GCFC2: variants seen among roughly 807,000 people sequenced by gnomAD.
GCFC2 encodes the protein GC-rich sequence DNA-binding factor 2.
A neutral mutation model predicts 99.4 loss-of-function variants in GCFC2; 102 were observed. The observed-to-expected ratio is 1.03, with a 90% CI of 0.87 to 1.21. The LOEUF is 1.21. Among genes scored for constraint, GCFC2 ranks in the 50% most tolerant of loss-of-function variants. GCFC2 has a pLI of 0.00. For missense variants in GCFC2, 973 were observed against 920.9 expected (o/e 1.06, Z -0.73); for synonymous variants, 338 against 316.8 (o/e 1.07, Z -0.71).
chr2:75,710,748 C>T lies in GCFC2; in HGVS notation c.108G>A (p.Pro36=), dbSNP rs758875484. 34 of 1,564,804 alleles carry T rather than the reference C, an allele frequency of 2.2e-5. No homozygotes were observed. Among genetic ancestry groups the T allele is most frequent in the Admixed American group, 5.4e-5 (3 of 55,876 alleles). Residue 36 remains proline (P), a synonymous_variant, in exon 1 of 17, where the codon CCG becomes CCA. Transcript: ENST00000321027. ...PAEPGAPREL[P]VPGSAEEEPP... is the part of the protein sequence containing the mutation. ...GCTCTTCCTCCGCAGAACCCGGGAC[C>T]GGAAGTTCCCTCGGCGCCCCAGGCT...
rs1165093753 is a variant in GCFC2, at chr2:75,689,966, GA to G, written c.1339+2del. 1.3e-6 allele frequency: 2 copies of G among 1,513,056 alleles called. No individual in the cohort carries two copies. Among genetic ancestry groups the G allele is most frequent in the Admixed American group, 3.6e-5 (2 of 56,044 alleles). The allele number at this position is 1,513,056 out of a possible 1,614,324, so 93.7% of individuals were successfully genotyped here. On this transcript the variant is annotated splice_donor_variant, in intron 9 of 16. Coordinates refer to ENST00000321027, the MANE Select transcript of GCFC2 (RefSeq NM_003203.5). LOFTEE classifies it high-confidence loss of function. ...ATGATATATTAGAAACTTGGTAACT[GA>G]CCTTGGCTTTTTTGGAAGTCAATCA...
chr2:75,673,182 C>T lies in GCFC2; in HGVS notation c.1889+262G>A, dbSNP rs187732607. ...AAAATTAGCCGGGCGTGGTGGCGGG[C>T]GCCTGTAGTCCCAGCCATGGGAGGC... On this transcript the variant is annotated intron_variant, in intron 13 of 16. Transcript: ENST00000321027. Among the ~76,000 whole-genome samples the T allele has an allele frequency of 2.2e-3, 340 of 152,144 alleles. 2 individuals are homozygous for T. The highest frequency in any genetic ancestry group is 7.3e-3 in the African/African-American group (302 of 41,508).
chr2:75,697,138 A>G (rs918253850), intron 4 of GCFC2, among the ~76,000 whole-genome samples: 1 of 152,140 alleles, frequency 6.6e-6, no homozygotes, highest in Non-Finnish European at 1.5e-5. Context: ...CACTCCTAAC[A>G]TATATCTTAT....
rs546377517 is a variant in GCFC2 at position 75,698,507 on chromosome 2, C to T, written c.718-2192G>A. ...TAGCTATTAAAATCAGTTGTTATAA[C>T]GATATAAAAACAAGAGAAGATAATT... On this transcript the variant is annotated intron_variant, in intron 4 of 16. Coordinates refer to ENST00000321027, the MANE Select transcript of GCFC2 (RefSeq NM_003203.5). Among the ~76,000 whole-genome samples the T allele has an allele frequency of 2.9e-3, 439 of 151,942 alleles. 1 individual carries two copies. The highest frequency in any genetic ancestry group is 5.0e-3 in the Non-Finnish European group (340 of 67,976).
At chr2:75,700,165 G>A (rs758386373) in intron 4 of GCFC2, among the ~76,000 whole-genome samples, 5 of 152,016 alleles carry the variant, frequency 3.3e-5, no homozygotes, top group African/African-American at 4.8e-5. Flanking sequence ...CCGAGCTTTG[G>A]TTTCTGATAC....
chr2:75,679,878 A>C, intron 12 of GCFC2: 1 of 408,112 alleles, frequency 2.5e-6, no homozygotes, highest in Non-Finnish European at 4.3e-6. Context: ...TGAAAGTCAT[A>C]ATCTGGGTCC....
intron 15 of GCFC2, among the ~76,000 whole-genome samples, chr2:75,667,919 C>T (rs984566722): frequency 1.3e-5 from 2 of 151,880 alleles, no homozygotes; most frequent in Non-Finnish European, 2.9e-5. Context: ...AAACTATAGC[C>T]AGAACAATCA....
At chr2:75,669,268 C>G (rs1404581085) in intron 15 of GCFC2, among the ~76,000 whole-genome samples, 8 of 152,102 alleles carry the variant, frequency 5.3e-5, no homozygotes, top group East Asian at 3.9e-4. Flanking sequence ...TTCCTAGATT[C>G]TTAACTTTTC....
chr2:75,678,708 A>T (rs548851528), intron 12 of GCFC2, among the ~76,000 whole-genome samples: 109 of 152,308 alleles, frequency 7.2e-4, no homozygotes, highest in African/African-American at 2.6e-3. Flanking sequence ...TAGCACTGTG[A>T]CAACTAGTTT....
intron 1 of GCFC2, among the ~76,000 whole-genome samples, chr2:75,708,859 T>A (rs1208985353): frequency 6.6e-6 from 1 of 152,176 alleles, no homozygotes; most frequent in South Asian, 2.1e-4. Context: ...AGCTGTGTTA[T>A]ATTAAAGCAC....
chr2:75,682,829 T>C (rs1038373732), intron 11 of GCFC2, among the ~76,000 whole-genome samples: 5 of 151,528 alleles, frequency 3.3e-5, no homozygotes, highest in Admixed American at 3.3e-4. Context: ...ATCGATCAAG[T>C]GGAAGAAAGG....
chr2:75,701,376 T>TTAGCACCAC, intron 3 of GCFC2, 89 bp from the exon 4 acceptor site: 1 of 705,100 alleles, frequency 1.4e-6, no homozygotes, highest in Non-Finnish European at 2.5e-6. Flanking sequence ...ATACAAAGGC[T>TTAGCACCAC]TAGCACCACT....
Position 75,670,245 on chromosome 2 carries a change from C to T in GCFC2, c.1996G>A (p.Asp666Asn), listed in dbSNP as rs1408082746. 1.9e-6 allele frequency: 3 copies of T among 1,606,428 alleles called. No homozygotes were observed. Among genetic ancestry groups the T allele is most frequent in the Non-Finnish European group, 2.6e-6 (3 of 1,173,266 alleles). ...NILLWNGLLT[D>N]DTLQELGLGK... ...AGTCCTAGTTCTTGCAAGGTGTCAT[C>T]TGTAAGGAGTCCATTCCAAAGAAGA... Residue 666 changes from aspartate to asparagine, a missense_variant, in exon 15 of 17, where the codon GAT becomes AAT. Physicochemically the swap from Asp to Asn is conservative, Grantham distance 23. Transcript: ENST00000321027.
chr2:75,688,057 A>G (rs944225660), intron 10 of GCFC2, 80 bp from the exon 11 acceptor site: 8 of 839,904 alleles, frequency 9.5e-6, no homozygotes, highest in Non-Finnish European at 1.5e-5. Flanking sequence ...TTTTTTCAAT[A>G]ATCACCAGAG....
chr2:75,690,137 T>C, intron 8 of GCFC2, 56 bp from the exon 9 acceptor site: 1 of 938,912 alleles, frequency 1.1e-6, no homozygotes. Context: ...TTGCTGAAAA[T>C]AAATGCCTAA....
intron 4 of GCFC2, chr2:75,697,941 T>A (rs1302848664): frequency 1.3e-5 from 2 of 152,236 alleles, no homozygotes; most frequent in African/African-American, 2.4e-5. Flanking sequence ...ACTGACATTA[T>A]GATTTTGGAC....
At chr2:75,709,937 A>G (rs1681062571) in intron 1 of GCFC2, among the ~76,000 whole-genome samples, 1 of 152,238 alleles carries the variant, frequency 6.6e-6, no homozygotes, top group Admixed American at 6.5e-5. Flanking sequence ...TCAGAGCAGC[A>G]CATTTTATTT....
chr2:75,679,875 C>A, intron 12 of GCFC2: 1 of 407,798 alleles, frequency 2.5e-6, no homozygotes, highest in South Asian at 1.1e-4. Context: ...GAATGAAAGT[C>A]ATAATCTGGG....
chr2:75,683,073 A>C (rs1553434023), intron 11 of GCFC2, among the ~76,000 whole-genome samples: 1 of 151,864 alleles, frequency 6.6e-6, no homozygotes, highest in Non-Finnish European at 1.5e-5. Flanking sequence ...GCCAACATTC[A>C]AATTCAGGAA....
Sources: allele counts gnomAD v4.1 joint callset (sites outside exome capture counted in the v4.1 genomes callset), GRCh38; gene constraint gnomAD v4.1.1; transcripts MANE v1.5; gene names NCBI Gene and HGNC (gene_info 2026-07-23, HGNC 2026-07-21).